LIMS1: variants seen among roughly 807,000 people sequenced by gnomAD.
LIMS1 encodes LIM and senescent cell antigen-like-containing domain protein 1.
LIMS1 carries 18 observed loss-of-function variants against 44.1 expected under a neutral mutation model. That is an observed-to-expected ratio of 0.41 (90% CI 0.28 to 0.61). The LOEUF (loss-of-function observed/expected upper bound fraction) is 0.61, where lower values mean the gene tolerates loss of function less well. Among genes scored for constraint, LIMS1 ranks in the 20% least tolerant of loss-of-function variants. The pLI is 0.32. For synonymous variants in LIMS1, 93 were observed against 149.1 expected (o/e 0.62, Z 2.74); for missense variants, 201 against 422.0 (o/e 0.48, Z 4.59).
At chr2:108,557,136 A>T (rs570960501) in intron 1 of LIMS1, among the ~76,000 whole-genome samples, 1 of 152,164 alleles carries the variant, frequency 6.6e-6, no homozygotes, top group Non-Finnish European at 1.5e-5. Flanking sequence ...AGAGTGCAGT[A>T]GAGCCATCAC....
intron 1 of LIMS1, among the ~76,000 whole-genome samples, chr2:108,618,941 C>CCTGTTT (rs1285098790): frequency 6.6e-6 from 1 of 151,956 alleles, no homozygotes; most frequent in Non-Finnish European, 1.5e-5. Context: ...TGCTGAAGTT[C>CCTGTTT]CTGTTTGTCA....
At chr2:108,614,534 ACT>A (rs1361859613) in intron 1 of LIMS1, among the ~76,000 whole-genome samples, 1 of 152,130 alleles carries the variant, frequency 6.6e-6, no homozygotes, top group African/African-American at 2.4e-5. Flanking sequence ...GCCATCAGTC[ACT>A]CTGGCATAGT....
chr2:108,645,034 T>C (rs2148929448), intron 1 of LIMS1, among the ~76,000 whole-genome samples: 1 of 152,224 alleles, frequency 6.6e-6, no homozygotes, highest in African/African-American at 2.4e-5. Flanking sequence ...TTGGTATACC[T>C]GAAAGTGACG....
intron 1 of LIMS1, among the ~76,000 whole-genome samples, chr2:108,615,752 C>A (rs1334639722): frequency 1.3e-5 from 2 of 152,188 alleles, no homozygotes; most frequent in Admixed American, 1.3e-4. Context: ...GTCAGGGAGT[C>A]ATGTTGCACA....
chr2:108,551,628 G>GTA (rs911622618), intron 1 of LIMS1, among the ~76,000 whole-genome samples: 6 of 140,822 alleles, frequency 4.3e-5, no homozygotes, highest in Non-Finnish European at 6.1e-5. Context: ...GTATATATGT[G>GTA]TATATATATG....
intron 2 of LIMS1, chr2:108,662,175 C>G (rs1439937670): frequency 3.1e-6 from 5 of 1,611,942 alleles, no homozygotes; most frequent in Non-Finnish European, 3.4e-6. Context: ...CTGTGAGCAC[C>G]CTGTAGCTCC....
chr2:108,647,238 A>G (rs1434315812), intron 1 of LIMS1, among the ~76,000 whole-genome samples: 1 of 152,212 alleles, frequency 6.6e-6, no homozygotes, highest in Non-Finnish European at 1.5e-5. Context: ...ATCGCTGGAC[A>G]TGTACACCCT....
intron 1 of LIMS1, among the ~76,000 whole-genome samples, chr2:108,612,947 G>A (rs1002324808): frequency 6.6e-6 from 1 of 152,110 alleles, no homozygotes; most frequent in Non-Finnish European, 1.5e-5. Flanking sequence ...GGTCTGTGGG[G>A]GAGAATGTTT....
chr2:108,586,709 T>C (rs1296275552), intron 1 of LIMS1, among the ~76,000 whole-genome samples: 1 of 152,192 alleles, frequency 6.6e-6, no homozygotes, highest in Non-Finnish European at 1.5e-5. Context: ...AGATTTTAAC[T>C]GCAGCATCAC....
intron 1 of LIMS1, among the ~76,000 whole-genome samples, chr2:108,650,391 C>T (rs948428419): frequency 2.0e-5 from 3 of 151,574 alleles, no homozygotes; most frequent in African/African-American, 7.3e-5. Flanking sequence ...AATTGTGTGC[C>T]GCCTAAACTT....
intron 1 of LIMS1, among the ~76,000 whole-genome samples, chr2:108,554,595 T>TA (rs763494366): frequency 2.7e-4 from 41 of 152,228 alleles, no homozygotes; most frequent in Non-Finnish European, 5.1e-4. Flanking sequence ...TGTTTTTGTT[T>TA]AAAAAGCTTC....
intron 1 of LIMS1, among the ~76,000 whole-genome samples, chr2:108,640,288 T>C (rs1462561335): frequency 2.0e-5 from 3 of 152,210 alleles, no homozygotes; most frequent in Non-Finnish European, 2.9e-5. Context: ...TGGGTAGATA[T>C]TTGTTGGTTG....
At chr2:108,605,260 T>A (rs1687213782) in intron 1 of LIMS1, among the ~76,000 whole-genome samples, 1 of 152,198 alleles carries the variant, frequency 6.6e-6, no homozygotes, top group Non-Finnish European at 1.5e-5. Context: ...TGTGGTACAC[T>A]GTGTCCAAAG....
chr2:108,636,013 T>G (rs1317268130), intron 1 of LIMS1, among the ~76,000 whole-genome samples: 1 of 152,150 alleles, frequency 6.6e-6, no homozygotes. Flanking sequence ...AAAGGTTTAA[T>G]ATAAAGATAG....
chr2:108,556,611 C>A (rs1684930992), intron 1 of LIMS1, among the ~76,000 whole-genome samples: 1 of 152,210 alleles, frequency 6.6e-6, no homozygotes, highest in African/African-American at 2.4e-5. Flanking sequence ...TTTTCTCTTT[C>A]TCTCCTTTCC....
chr2:108,635,778 A>G, intron 1 of LIMS1, among the ~76,000 whole-genome samples: 1 of 119,674 alleles, frequency 8.4e-6, no homozygotes, highest in East Asian at 1.7e-3. Context: ...ACGTGATAAC[A>G]CACTCCTCCC....
chr2:108,561,736 G>GTTT (rs201274342), intron 1 of LIMS1, among the ~76,000 whole-genome samples: 4 of 111,706 alleles, frequency 3.6e-5, no homozygotes, highest in African/African-American at 8.6e-5. Flanking sequence ...GATCAGCAGT[G>GTTT]TTTTTTTTTG....
intron 1 of LIMS1, among the ~76,000 whole-genome samples, chr2:108,566,670 T>G (rs1573339575): frequency 6.6e-6 from 1 of 152,250 alleles, no homozygotes; most frequent in South Asian, 2.1e-4. Context: ...GATCTCAGCT[T>G]ACTGCAACCT....
At chr2:108,539,918 A>G (rs1452126811) in intron 1 of LIMS1, among the ~76,000 whole-genome samples, 3 of 151,260 alleles carry the variant, frequency 2.0e-5, no homozygotes, top group Admixed American at 6.6e-5. Flanking sequence ...TTACCTTCGA[A>G]TTTTCTCTTG....
Sources: gnomAD v4.1 joint callset for allele counts (sites outside exome capture counted in the v4.1 genomes callset) on GRCh38, gnomAD v4.1.1 for gene constraint, MANE v1.5 for transcripts, NCBI Gene and HGNC (gene_info 2026-07-23, HGNC 2026-07-21) for gene names.